TNPO2: variants seen among roughly 807,000 people sequenced by gnomAD.
TNPO2 encodes transportin 2.
TNPO2 carries 16 observed loss-of-function variants against 111.1 expected under a neutral mutation model. That is an observed-to-expected ratio of 0.14 (90% CI 0.10 to 0.22). TNPO2 has a LOEUF of 0.22. Ranked by LOEUF, TNPO2 falls within the 10% of genes least tolerant of loss-of-function variation. TNPO2 has a pLI of 1.00. For missense variants in TNPO2, 530 were observed against 1,173.7 expected, an observed-to-expected ratio of 0.45 and a Z score of 8.01; for synonymous variants, 481 against 475.8, an observed-to-expected ratio of 1.01 and a Z score of -0.14.
At chr19:12,718,812 C>T (rs1568339340) in intron 5 of TNPO2, among the ~76,000 whole-genome samples, 1 of 152,316 alleles carries the variant, frequency 6.6e-6, no homozygotes, top group East Asian at 1.9e-4. Context: ...GGTTCCAGAG[C>T]GTGGCCCTGC....
rs532921498 is a variant in TNPO2, at chr19:12,715,837, C to T, written c.326-98G>A. On this transcript the variant is annotated intron_variant, in intron 5 of 25. Coordinates refer to ENST00000425528, the MANE Select transcript of TNPO2 (RefSeq NM_001382241.1). The surrounding 1 kb of genome is among the most constrained non-coding windows in gnomAD (Gnocchi z 7.1). The stretch of plus-strand genomic sequence containing the variant: ...ACCCCCAGTGCTGCCTTTCTGTTCC[C>T]TAGCCCATGTACGCCCTCTACATCC... 4.2e-6 allele frequency: 4 copies of T among 952,422 alleles called. No individual in the cohort carries two copies. In the South Asian group the frequency reaches 6.0e-5, roughly 14 times the overall value. The allele number at this position is 952,422 out of a possible 1,614,324, so 59.0% of individuals were successfully genotyped here.
At chr19:12,722,582 A>AAAAAAAAAAAAG (rs1967065021) in intron 2 of TNPO2, 1 of 149,636 alleles carries the variant, frequency 6.7e-6, no homozygotes, top group Non-Finnish European at 1.5e-5. Context: ...AAAAAAAAAA[A>AAAAAAAAAAAAG]AAAGAAAGAA....
rs535666825 is a variant in TNPO2 at position 12,715,235 on chromosome 19, C to T, written c.648+8G>A. ...CTCGCCCTGCCCACCCCCAGCCCAG[C>T]GGCCCACCTCGATGAAGGTGTCAAT... On this transcript the variant is annotated splice_region_variant and intron_variant, in intron 8 of 25. Coordinates refer to ENST00000425528, the MANE Select transcript of TNPO2 (RefSeq NM_001382241.1). The surrounding 1 kb of genome is among the most constrained non-coding windows in gnomAD (Gnocchi z 7.1). 1.3e-4 allele frequency: 209 copies of T among 1,613,660 alleles called. No individual in the cohort carries two copies. Among genetic ancestry groups the T allele is most frequent in the East Asian group, 2.0e-4 (9 of 44,860 alleles).
chr19:12,721,085 G>T lies in TNPO2; in HGVS notation c.-13-95C>A, dbSNP rs1029272739. ...GAGGCCGCGGTGGCCGCATGACGAC[G>T]GGAACGCCCTCGGCGGACAGGCGGA... On this transcript the variant is annotated intron_variant, in intron 2 of 25. Transcript: ENST00000425528. This position sits in a 1 kb window ranked among gnomAD's most constrained non-coding sequence, Gnocchi z 4.9. 2.6e-6 allele frequency: 4 copies of T among 1,529,858 alleles called. No homozygotes were observed. Among genetic ancestry groups the T allele is most frequent in the Non-Finnish European group, 3.5e-6 (4 of 1,144,204 alleles). 94.8% of individuals were successfully genotyped at this position (1,529,858 alleles called of 1,614,324 possible). A position where few individuals can be genotyped will look rare whatever the true frequency, so the allele number is the denominator to read the frequency against.
In TNPO2 at chr19:12,708,464, GCT is replaced by G. The variant is rs571720120; in HGVS notation, c.1271-1671_1271-1670del. Among the ~76,000 whole-genome samples the G allele has an allele frequency of 1.3e-3, 200 of 150,300 alleles. 1 individual carries two copies. The highest frequency in any genetic ancestry group is 4.7e-3 in the African/African-American group (191 of 40,902). ...TTTTTTTTAAAATATCACGAACTCTGCTCTTTTATTTAAAGAGAACAAAGATA... is the reference window on the plus strand; with the variant it reads ...TTTTTTTTAAAATATCACGAACTCTGCTTTTATTTAAAGAGAACAAAGATA... On this transcript the variant is annotated intron_variant, in intron 13 of 25. Coordinates refer to ENST00000425528, the MANE Select transcript of TNPO2 (RefSeq NM_001382241.1).
rs1414918108 is a variant in TNPO2 at position 12,710,720 on chromosome 19, G to A, written c.1171C>T (p.Leu391=). The A allele has an allele frequency of 8.1e-6, 13 of 1,613,426 alleles. No homozygotes were observed. The highest frequency in any genetic ancestry group is 1.0e-5 in the Non-Finnish European group (12 of 1,179,688). The part of the protein sequence containing the change: ...DVLANVFREE[L]LPHLLPLLKG... ...AGTAGTGGGAGTAGGTGGGGCAGCAGTTCCTCCCGGAAGACATTGGCGAGG... is the reference window on the plus strand; with the variant it reads ...AGTAGTGGGAGTAGGTGGGGCAGCAATTCCTCCCGGAAGACATTGGCGAGG... Residue 391 remains leucine, a synonymous_variant, in exon 13 of 26, where the codon CTG becomes TTG. Coordinates refer to ENST00000425528, the MANE Select transcript of TNPO2 (RefSeq NM_001382241.1).
At position 12,706,298 on chromosome 19, in the gene TNPO2, G is replaced by A. The variant is rs187872688; in HGVS notation, c.1566C>T (p.Thr522=). ...LVPYLSYILD[T]LVFAFGKYQH... Reference sequence around the variant, plus strand: ...GGTATTTCCCAAAGGCAAAGACAAGGGTGTCCAGGATGTAGCTGAGGTAGG... The same window carrying A: ...GGTATTTCCCAAAGGCAAAGACAAGAGTGTCCAGGATGTAGCTGAGGTAGG... The change falls in exon 15 of 26, where the codon ACC becomes ACT. Residue 522 remains threonine (T), a synonymous_variant. Coordinates refer to ENST00000425528, the MANE Select transcript of TNPO2 (RefSeq NM_001382241.1). This position sits in a 1 kb window ranked among gnomAD's most constrained non-coding sequence, Gnocchi z 7.0. 581 of 1,613,912 alleles carry A rather than the reference G, an allele frequency of 3.6e-4. No homozygotes were observed. Among genetic ancestry groups the A allele is most frequent in the Non-Finnish European group, 4.6e-4 (548 of 1,179,898 alleles).
At chr19:12,713,634 G>T in intron 10 of TNPO2, among the ~76,000 whole-genome samples, 1 of 152,094 alleles carries the variant, frequency 6.6e-6, no homozygotes, top group East Asian at 1.9e-4. Flanking sequence ...TGAACCCGAG[G>T]GGCGGAGGTT....
chr19:12,713,290 T>A (rs907759631), intron 10 of TNPO2, among the ~76,000 whole-genome samples: 10 of 152,064 alleles, frequency 6.6e-5, no homozygotes, highest in African/African-American at 2.2e-4. Context: ...CTTCATCACC[T>A]GCTCATCTAG....
In TNPO2 at chr19:12,721,716, A is replaced by C. The variant is rs1354917653; in HGVS notation, c.-13-726T>G. ...GAATGAGAGCCAGCCAAGCCCGGCCAACCCACTATAGGAGCCCCCTGGACC... is the reference window on the plus strand; with the variant it reads ...GAATGAGAGCCAGCCAAGCCCGGCCCACCCACTATAGGAGCCCCCTGGACC... On this transcript the variant is annotated intron_variant, in intron 2 of 25. Coordinates refer to ENST00000425528, the MANE Select transcript of TNPO2 (RefSeq NM_001382241.1). This position sits in a 1 kb window ranked among gnomAD's most constrained non-coding sequence, Gnocchi z 4.9. 1.4e-5 allele frequency: 3 copies of C among 209,570 alleles called. No homozygotes were observed. The highest frequency in any genetic ancestry group is 2.9e-5 in the Non-Finnish European group (3 of 103,092). 13.0% of individuals were successfully genotyped at this position (209,570 alleles called of 1,614,324 possible). A position where few individuals can be genotyped will look rare whatever the true frequency, so the allele number is the denominator to read the frequency against.
rs145400923 is a variant in TNPO2 at position 12,703,418 on chromosome 19, G to C, written c.2209+10C>G. Reference sequence around the variant, plus strand: ...TGGGGGGCGCGTGTTGCCACTTGCAGGGCACTCACCCATCTGCATGCAGAT... The same window carrying C: ...TGGGGGGCGCGTGTTGCCACTTGCACGGCACTCACCCATCTGCATGCAGAT... On this transcript the variant is annotated intron_variant, in intron 20 of 25. Transcript: ENST00000425528. 4.3e-6 allele frequency: 7 copies of C among 1,612,834 alleles called. No individual in the cohort carries two copies. Among genetic ancestry groups the C allele is most frequent in the Middle Eastern group, 1.7e-4 (1 of 5,864 alleles).
Position 12,701,420 on chromosome 19 carries a change from C to T in TNPO2, c.2620G>A (p.Asp874Asn). The change falls in exon 25 of 26, where the codon GAT becomes AAT. Residue 874 changes from aspartate to asparagine, a missense_variant. Around this residue, in one of 4 missense-constraint regions of TNPO2, gnomAD observed 103 missense variants for 156.7 expected, o/e 0.66. Coordinates refer to ENST00000425528, the MANE Select transcript of TNPO2 (RefSeq NM_001382241.1). This position sits in a 1 kb window ranked among gnomAD's most constrained non-coding sequence, Gnocchi z 5.0. ...LHGFKDQVGE[D>N]NWQQFSEQFP... is the part of the protein sequence containing the mutation. ...TGCTCAGAGAACTGCTGCCAGTTAT[C>T]TTCCCCAACTTGGTCTTTGAAGCCG... The T allele has an allele frequency of 6.2e-7, 1 of 1,613,978 alleles. No homozygotes were observed. The highest frequency in any genetic ancestry group is 8.5e-7 in the Non-Finnish European group (1 of 1,179,880).
At chr19:12,708,807 G>A (rs2025860153) in intron 13 of TNPO2, among the ~76,000 whole-genome samples, 1 of 151,962 alleles carries the variant, frequency 6.6e-6, no homozygotes, top group Non-Finnish European at 1.5e-5. Flanking sequence ...GGAGGCAGAG[G>A]TTGCAGTGAG....
intron 10 of TNPO2, 81 bp from the exon 11 acceptor site, chr19:12,711,694 A>T (rs1038494303): frequency 1.7e-6 from 2 of 1,199,570 alleles, no homozygotes; most frequent in African/African-American, 3.0e-5. Flanking sequence ...GAGGAGGCAA[A>T]CAGGTGCCAA....
At position 12,702,010 on chromosome 19, in the gene TNPO2, C is replaced by T. The variant is rs548370203; in HGVS notation, c.2411+62G>A. 1.8e-4 allele frequency: 271 copies of T among 1,533,668 alleles called. No homozygotes were observed. The highest frequency in any genetic ancestry group is 2.5e-4 in the Admixed American group (15 of 59,526). On this transcript the variant is annotated intron_variant, in intron 22 of 25. Transcript: ENST00000425528. This position sits in a 1 kb window ranked among gnomAD's most constrained non-coding sequence, Gnocchi z 5.5. ...GCAGATGGGGCTGGAAATGCACAGG[C>T]GAGGGAGGGGGTTGGGCCAGTCCCG...
Position 12,721,244 on chromosome 19 carries a change from G to A in TNPO2, c.-13-254C>T, listed in dbSNP as rs1269698603. The A allele has an allele frequency of 1.2e-5, 15 of 1,302,056 alleles. No individual in the cohort carries two copies. Among genetic ancestry groups the A allele is most frequent in the Non-Finnish European group, 1.5e-5 (15 of 1,023,466 alleles). 80.7% of individuals were successfully genotyped at this position (1,302,056 alleles called of 1,614,324 possible). On this transcript the variant is annotated intron_variant, in intron 2 of 25. Coordinates refer to ENST00000425528, the MANE Select transcript of TNPO2 (RefSeq NM_001382241.1). This position sits in a 1 kb window ranked among gnomAD's most constrained non-coding sequence, Gnocchi z 4.9. ...ACAGGCGGCGGCGGCGGGGCCCGGC[G>A]GATCCTCATGGGACCCAGCGAAGAG... is the stretch of plus-strand genomic sequence containing the variant.
Position 12,721,034 on chromosome 19 carries a change from C to T in TNPO2, c.-13-44G>A. 2 of 1,536,874 alleles carry T rather than the reference C, an allele frequency of 1.3e-6. No homozygotes were observed. The highest frequency in any genetic ancestry group is 2.4e-5 in the South Asian group (2 of 84,094). ...GGGTCAGCGCTGGGTCTCTGGGGCTCCGTGTGAGACCCAGGTGGAGCCCCT... is the reference window on the plus strand; with the variant it reads ...GGGTCAGCGCTGGGTCTCTGGGGCTTCGTGTGAGACCCAGGTGGAGCCCCT... On this transcript the variant is annotated intron_variant, in intron 2 of 25. Transcript: ENST00000425528. This position sits in a 1 kb window ranked among gnomAD's most constrained non-coding sequence, Gnocchi z 4.9.
Position 12,709,050 on chromosome 19 carries a change from GA to G in TNPO2, c.1270+1570del, listed in dbSNP as rs953526498. On this transcript the variant is annotated intron_variant, in intron 13 of 25. Transcript: ENST00000425528. ...GGGAGACTCCATCTCAAAAAAAAAA[GA>G]AAAAAAAAAGAGGCCAGGCGTGGTG... Among the ~76,000 whole-genome samples the G allele has an allele frequency of 1.4e-4, 19 of 139,284 alleles. No individual in the cohort carries two copies. In the South Asian group the frequency reaches 2.1e-3, roughly 16 times the overall value. The allele number at this position is 139,284 out of a possible 152,430, so 91.4% of individuals were successfully genotyped here.
In TNPO2 at chr19:12,702,785, A is replaced by C; in HGVS notation, c.2305+38T>G. 3.2e-6 allele frequency: 5 copies of C among 1,582,080 alleles called. No homozygotes were observed. The highest frequency in any genetic ancestry group is 4.3e-6 in the Non-Finnish European group (5 of 1,151,596). On this transcript the variant is annotated intron_variant, in intron 21 of 25. Coordinates refer to ENST00000425528, the MANE Select transcript of TNPO2 (RefSeq NM_001382241.1). The surrounding 1 kb of genome is among the most constrained non-coding windows in gnomAD (Gnocchi z 5.5). ...GCCCAGAACCCCACCTCCAGAAGGC[A>C]GGCAGGGGTGCAGGCAGCAGCCGGG...
Sources: allele counts gnomAD v4.1 joint callset (sites outside exome capture counted in the v4.1 genomes callset), GRCh38; gene constraint gnomAD v4.1.1; regional missense constraint gnomAD v4.1.1; non-coding constraint Gnocchi (gnomAD v3.1); transcripts MANE v1.5; gene names NCBI Gene and HGNC (gene_info 2026-07-23, HGNC 2026-07-21).